Variants in TTN observed in about 807,000 individuals in gnomAD.
TTN encodes the protein titin, also known as connectin.
A neutral mutation model predicts 3,223.0 loss-of-function variants in TTN; 1,525 were observed. The observed-to-expected ratio is 0.47, with a 90% CI of 0.45 to 0.49. TTN has a LOEUF of 0.49. TTN is among the 20% of genes least tolerant of loss of function. The pLI is 0.00. For synonymous variants in TTN, 14,094 were observed against 15,161.0 expected, an observed-to-expected ratio of 0.93 and a Z score of 5.17; for missense variants, 40,786 against 43,424.0, an observed-to-expected ratio of 0.94 and a Z score of 5.40.
In TTN at chr2:178,539,248, G is replaced by A. The variant is rs1335232513; in HGVS notation, c.98687C>T (p.Pro32896Leu). Residue 32896 changes from proline to leucine, a missense_variant, in exon 353 of 363, where the codon CCT becomes CTT. By Grantham distance (98) the Pro-to-Leu change is moderately conservative. Coordinates refer to ENST00000589042, the MANE Select transcript of TTN (RefSeq NM_001267550.2). The stretch of plus-strand genomic sequence containing the variant: ...TGGAGGATTGCTTGGAGGTTCTGGA[G>A]GATCTGTAAATATAAGTGGAAAGCA... ...EPVTPKTPLN[P>L]PEPPSNPPEV... The A allele has an allele frequency of 4.3e-6, 7 of 1,612,492 alleles. No homozygotes were observed. The highest frequency in any genetic ancestry group is 5.9e-6 in the Non-Finnish European group (7 of 1,178,920).
chr2:178,725,811 A>C lies in TTN; in HGVS notation c.20511T>G (p.Asn6837Lys). 1 of 1,611,358 alleles carries C rather than the reference A, an allele frequency of 6.2e-7. No individual in the cohort carries two copies. The highest frequency in any genetic ancestry group is 8.5e-7 in the Non-Finnish European group (1 of 1,178,254). ...AAACACAAGTATCACTTCCCACTTC[A>C]TTCTGTGCTTTGCAGTGGTATTCAC... ...DIGEYHCKAQ[N>K]EVGSDTCVCT... is the part of the protein sequence containing the mutation. The change falls in exon 70 of 363, where the codon AAT becomes AAG. Residue 6837 changes from asparagine to lysine, a missense_variant. Transcript: ENST00000589042.
Position 178,768,144 on chromosome 2 carries a change from C to G in TTN, c.9175G>C (p.Glu3059Gln). Reference sequence around the variant, plus strand: ...ATGTCCTTAATGTGTTTCCTAAATTCTATATGACGAGCTGGAAAATAGCAT... The same window carrying G: ...ATGTCCTTAATGTGTTTCCTAAATTGTATATGACGAGCTGGAAAATAGCAT... ...ATLYVEARHI[E>Q]FRKHIKDIKV... Residue 3059 changes from glutamate to glutamine, a missense_variant, in exon 39 of 363, where the codon GAA becomes CAA. By Grantham distance (29) the Glu-to-Gln change is conservative. Coordinates refer to ENST00000589042, the MANE Select transcript of TTN (RefSeq NM_001267550.2). 1 of 1,613,984 alleles carries G rather than the reference C, an allele frequency of 6.2e-7. No homozygotes were observed.
Position 178,652,196 on chromosome 2 carries a change from T to C in TTN, c.39212-17A>G, listed in dbSNP as rs770122983. On this transcript the variant is annotated splice_polypyrimidine_tract_variant and intron_variant, in intron 203 of 362. Transcript: ENST00000589042. ...CCTCTGGGACTTTAAAAGATATTATTATTTTCATTGTTAGACAAAGTAAAG... is the reference window on the plus strand; with the variant it reads ...CCTCTGGGACTTTAAAAGATATTATCATTTTCATTGTTAGACAAAGTAAAG... 1.2e-5 allele frequency: 19 copies of C among 1,612,126 alleles called. No homozygotes were observed. In the African/African-American group the frequency reaches 2.5e-4, roughly 22 times the overall value.
chr2:178,677,900 G>A lies in TTN; in HGVS notation c.34012C>T (p.Pro11338Ser), dbSNP rs770082165. Reference sequence around the variant, plus strand: ...GGTAGAGCTACAGGAACTGGAACTGGTTCACGTTTCTTTGGCACTTTAAAG... The same window carrying A: ...GGTAGAGCTACAGGAACTGGAACTGATTCACGTTTCTTTGGCACTTTAAAG... The part of the protein sequence containing the change: ...PPPKVPKKRE[P>S]VPVPVALPQE... Residue 11338 changes from proline (P) to serine (S), a missense_variant, in exon 146 of 363, where the codon CCA (proline) becomes TCA (serine). Coordinates refer to ENST00000589042, the MANE Select transcript of TTN (RefSeq NM_001267550.2). The A allele has an allele frequency of 1.3e-6, 2 of 1,599,786 alleles. No homozygotes were observed. Among genetic ancestry groups the A allele is most frequent in the East Asian group, 4.5e-5 (2 of 44,784 alleles).
intron 335 of TTN, 94 bp downstream of exon 335, chr2:178,551,533 TAAG>T (rs1699442271): frequency 9.4e-7 from 1 of 1,067,980 alleles, no homozygotes; most frequent in South Asian, 1.8e-5. Context: ...AGAAGATATG[TAAG>T]AAGGTGATGC....
intron 361 of TTN, 85 bp from the exon 362 acceptor site, chr2:178,527,833 C>T (rs1219660873): frequency 2.8e-5 from 35 of 1,271,368 alleles, no homozygotes; most frequent in Non-Finnish European, 3.6e-5. Flanking sequence ...GAAATGGAAA[C>T]TTCAACACAC....
In TTN at chr2:178,579,819, C is replaced by A. The variant is rs769408902; in HGVS notation, c.67378G>T (p.Val22460Leu). ...QTPGPVVDLKVRSVSKSSCSI... is the reference protein window; with the variant it reads ...QTPGPVVDLKLRSVSKSSCSI... ...CAGGATGACTTAGATACAGACCTCA[C>A]TTTCAGGTCCACAACTGGTCCAGGA... The change falls in exon 319 of 363, where the codon GTG (valine) becomes TTG (leucine). Residue 22460 changes from valine to leucine, a missense_variant. By Grantham distance (32) the Val-to-Leu change is conservative. Coordinates refer to ENST00000589042, the MANE Select transcript of TTN (RefSeq NM_001267550.2). 3.7e-6 allele frequency: 6 copies of A among 1,613,296 alleles called. No homozygotes were observed. The South Asian group carries it at 6.6e-5, about 18-fold the overall frequency.
intron 43 of TTN, among the ~76,000 whole-genome samples, chr2:178,760,101 A>G (rs1318331604): frequency 6.6e-6 from 1 of 152,168 alleles, no homozygotes; most frequent in Non-Finnish European, 1.5e-5. Context: ...ATCATCTAGC[A>G]TTTGTCTGCA....
Position 178,557,445 on chromosome 2 carries a change from G to C in TTN, c.87817C>G (p.His29273Asp). The change falls in exon 329 of 363, where the codon CAC becomes GAC. Residue 29273 changes from histidine (H) to aspartate (D), a missense_variant. Physicochemically the swap from His to Asp is moderately conservative, Grantham distance 81. Coordinates refer to ENST00000589042, the MANE Select transcript of TTN (RefSeq NM_001267550.2). ...CTGTTTCTGTCTTTCATTTCCAGGTGATAGCCTACGACTGCACTGCCTCCA... is the reference window on the plus strand; with the variant it reads ...CTGTTTCTGTCTTTCATTTCCAGGTCATAGCCTACGACTGCACTGCCTCCA... ...SNGGSAVVGY[H>D]LEMKDRNSIL... The C allele has an allele frequency of 6.2e-7, 1 of 1,613,924 alleles. No homozygotes were observed. Among genetic ancestry groups the C allele is most frequent in the Non-Finnish European group, 8.5e-7 (1 of 1,179,850 alleles).
Position 178,591,267 on chromosome 2 carries a change from A to G in TTN, c.60458T>C (p.Val20153Ala), listed in dbSNP as rs1340218064. The stretch of plus-strand genomic sequence containing the variant: ...TGTTTTGCTACCGGCTGCATTGGAA[A>G]CTGTGATTTGATATTCCCCAGTGTC... ...RRDTGEYQIT[V>A]SNAAGSKTVA... The change falls in exon 304 of 363, where the codon GTT becomes GCT. Residue 20153 changes from valine (V) to alanine (A), a missense_variant. Coordinates refer to ENST00000589042, the MANE Select transcript of TTN (RefSeq NM_001267550.2). 6.2e-7 allele frequency: 1 copy of G among 1,613,044 alleles called. No individual in the cohort carries two copies. Among genetic ancestry groups the G allele is most frequent in the Non-Finnish European group, 8.5e-7 (1 of 1,179,478 alleles).
rs55914517 is a variant in TTN, at chr2:178,782,351, C to T, written c.3241G>A (p.Ala1081Thr). The T allele has an allele frequency of 7.4e-4, 1,192 of 1,614,038 alleles. 4 individuals carry two copies. Among genetic ancestry groups the T allele is most frequent in the Non-Finnish European group, 7.4e-4 (871 of 1,179,972 alleles). ...ACTGGTTTTGTAATAAAGTAAGGCG[C>T]GGCAGGTTCTCCAGGCCCTGCTTGT... The part of the protein sequence containing the change: ...EEQAGPGEPA[A>T]PYFITKPVVQ... Residue 1081 changes from alanine (A) to threonine (T), a missense_variant, in exon 20 of 363, where the codon GCG becomes ACG. Transcript: ENST00000589042.
intron 43 of TTN, 74 bp downstream of exon 43, chr2:178,764,103 G>A (rs1046959584): frequency 2.5e-6 from 4 of 1,602,626 alleles, no homozygotes; most frequent in Non-Finnish European, 3.4e-6. Flanking sequence ...TGATGGAGGA[G>A]AAGCTGACAG....
intron 218 of TTN, among the ~76,000 whole-genome samples, chr2:178,643,317 T>C (rs1322174803): frequency 6.6e-6 from 1 of 151,986 alleles, no homozygotes; most frequent in Non-Finnish European, 1.5e-5. Flanking sequence ...ATTTCAAAAA[T>C]TTAAACCTAC....
chr2:178,686,820 A>T (rs1435361731), intron 127 of TTN, among the ~76,000 whole-genome samples: 1 of 152,216 alleles, frequency 6.6e-6, no homozygotes, highest in Non-Finnish European at 1.5e-5. Flanking sequence ...GAGAACATAA[A>T]AATAATCACA....
rs903892310 is a variant in TTN, at chr2:178,561,176, T to G, written c.84956A>C (p.Glu28319Ala). Reference sequence around the variant, plus strand: ...AACCCGGAATTCATAACGCTGATCTTCAGTAAGTTCAGTTACTTCAAAGTA... The same window carrying G: ...AACCCGGAATTCATAACGCTGATCTGCAGTAAGTTCAGTTACTTCAAAGTA... ...ETYFEVTELTEDQRYEFRVFA... is the reference protein window; with the variant it reads ...ETYFEVTELTADQRYEFRVFA... The change falls in exon 326 of 363, where the codon GAA becomes GCA. Residue 28319 changes from glutamate (E) to alanine (A), a missense_variant. Coordinates refer to ENST00000589042, the MANE Select transcript of TTN (RefSeq NM_001267550.2). The G allele has an allele frequency of 2.5e-6, 4 of 1,613,650 alleles. No individual in the cohort carries two copies. In the Admixed American group the frequency reaches 6.7e-5, roughly 27 times the overall value.
rs765987438 is a variant in TTN, at chr2:178,575,805, G to C, written c.70327C>G (p.Arg23443Gly). The C allele has an allele frequency of 2.5e-6, 4 of 1,612,870 alleles. No homozygotes were observed. The highest frequency in any genetic ancestry group is 3.4e-6 in the Non-Finnish European group (4 of 1,179,176). Residue 23443 changes from arginine (R) to glycine (G), a missense_variant, in exon 326 of 363, where the codon CGG becomes GGG. By Grantham distance (125) the Arg-to-Gly change is moderately radical (BLOSUM62 -2). Transcript: ENST00000589042. This position sits in a 1 kb window ranked among gnomAD's most constrained non-coding sequence, Gnocchi z 4.0. ...CTGTCCTTTGTGATGTCTGTAGGCC[G>C]CAGGTTGAGGACTGGGCCTGGCGTG... is the stretch of plus-strand genomic sequence containing the variant. Reference protein sequence around the residue: ...LDTPGPVLNLRPTDITKDSVT... With the variant: ...LDTPGPVLNLGPTDITKDSVT...
rs2088210968 is a variant in TTN, at chr2:178,759,055, T to A, written c.10232A>T (p.Glu3411Val). The A allele has an allele frequency of 6.2e-7, 1 of 1,613,924 alleles. No homozygotes were observed. The highest frequency in any genetic ancestry group is 1.7e-5 in the Admixed American group (1 of 59,988). Residue 3411 changes from glutamate (E) to valine (V), a missense_variant, in exon 44 of 363, where the codon GAA becomes GTA. Coordinates refer to ENST00000589042, the MANE Select transcript of TTN (RefSeq NM_001267550.2). ...LEIAEAYPED[E>V]GTYTFVASNA... Reference sequence around the variant, plus strand: ...ACTAGCAACAAACGTGTAAGTTCCTTCATCTTCTGGATAAGCTTCGGCAAT... The same window carrying A: ...ACTAGCAACAAACGTGTAAGTTCCTACATCTTCTGGATAAGCTTCGGCAAT...
chr2:178,593,681 T>A lies in TTN; in HGVS notation c.58619A>T (p.Lys19540Ile), dbSNP rs2050741869. The A allele has an allele frequency of 6.2e-7, 1 of 1,613,310 alleles. No individual in the cohort carries two copies. Among genetic ancestry groups the A allele is most frequent in the East Asian group, 2.2e-5 (1 of 44,698 alleles). ...VTSASAKTTC[K>I]VSKLLEGKDY... ...TTTTCCTTCAAGTAGTTTAGAAACTTTGCATGTTGTTTTAGCACTTGCAGA... is the reference window on the plus strand; with the variant it reads ...TTTTCCTTCAAGTAGTTTAGAAACTATGCATGTTGTTTTAGCACTTGCAGA... Residue 19540 changes from lysine to isoleucine, a missense_variant, in exon 298 of 363, where the codon AAA becomes ATA. Coordinates refer to ENST00000589042, the MANE Select transcript of TTN (RefSeq NM_001267550.2).
chr2:178,651,184 AGG>A, intron 208 of TTN, 57 bp downstream of exon 208: 1 of 1,390,648 alleles, frequency 7.2e-7, no homozygotes, highest in Non-Finnish European at 1.0e-6. Context: ...GTTTGATAAT[AGG>A]TGACTTATTA....
Sources: allele counts gnomAD v4.1 joint callset (sites outside exome capture counted in the v4.1 genomes callset), GRCh38; gene constraint gnomAD v4.1.1; non-coding constraint Gnocchi (gnomAD v3.1); transcripts MANE v1.5; gene names NCBI Gene and HGNC (gene_info 2026-07-23, HGNC 2026-07-21).